NDUFAF1: variants seen among roughly 807,000 people sequenced by gnomAD.
NDUFAF1 encodes complex I intermediate-associated protein 30, mitochondrial.
Under a neutral mutation model 28.7 loss-of-function variants are expected in NDUFAF1, and 18 were observed. The observed-to-expected ratio is 0.63, with a 90% CI of 0.43 to 0.93. NDUFAF1 has a LOEUF of 0.93. Among genes scored for constraint, NDUFAF1 ranks in the 40% least tolerant of loss-of-function variants. NDUFAF1 has a pLI of 0.00. For synonymous variants in NDUFAF1, 113 were observed against 139.7 expected (o/e 0.81, Z 1.35); for missense variants, 404 against 398.3 (o/e 1.01, Z -0.12).
chr15:41,389,211 T>C (rs1202068996), intron 3 of NDUFAF1, among the ~76,000 whole-genome samples: 1 of 151,120 alleles, frequency 6.6e-6, no homozygotes, highest in Non-Finnish European at 1.5e-5. Context: ...GCTTCCTGAG[T>C]AGCTGGGACT....
Position 41,393,907 on chromosome 15 carries a change from C to G in NDUFAF1, c.759+952G>C, listed in dbSNP as rs1235234153. 1.1e-4 allele frequency among the ~76,000 whole-genome samples: 16 copies of G among 149,108 alleles called. No homozygotes were observed. The Admixed American group carries it at 1.1e-3, about 10-fold the overall frequency. On this transcript the variant is annotated intron_variant, in intron 3 of 4. Coordinates refer to ENST00000260361, the MANE Select transcript of NDUFAF1 (RefSeq NM_016013.4). ...TATTTTTAGTAGAGATGGGGTTTTG[C>G]CATGTTAGCCAGGCTGGTCTCAAAC...
intron 3 of NDUFAF1, among the ~76,000 whole-genome samples, chr15:41,393,600 T>TTTTTTTTTTTTTA (rs2050342316): frequency 1.5e-5 from 2 of 136,910 alleles, no homozygotes; most frequent in South Asian, 2.3e-4. Context: ...TTTTTTTTTT[T>TTTTTTTTTTTTTA]GAGATGGAGT....
chr15:41,388,626 T>C, intron 3 of NDUFAF1, 104 bp from the exon 4 acceptor site: 1 of 791,916 alleles, frequency 1.3e-6, no homozygotes, highest in Non-Finnish European at 2.2e-6. Context: ...TAAAATTATG[T>C]CATATATGTA....
chr15:41,394,719 T>C, intron 3 of NDUFAF1, 140 bp downstream of exon 3: 4 of 693,186 alleles, frequency 5.8e-6, no homozygotes, highest in African/African-American at 1.8e-5. Context: ...GGTTTCACCA[T>C]GTTGGCCAAC....
At position 41,399,597 on chromosome 15, in the gene NDUFAF1, G is replaced by C. The variant is rs573478831; in HGVS notation, c.-81-2457C>G. Among the ~76,000 whole-genome samples the C allele has an allele frequency of 3.4e-3, 523 of 151,928 alleles. 4 individuals are homozygous for C. The highest frequency in any genetic ancestry group is 0.012 in the African/African-American group (485 of 41,438). ...AGGCCGGGCGCGGTGGCTCACGCCTGTAATCCCAGCACTTTGGGAGGCGGA... is the reference window on the plus strand; with the variant it reads ...AGGCCGGGCGCGGTGGCTCACGCCTCTAATCCCAGCACTTTGGGAGGCGGA... On this transcript the variant is annotated intron_variant, in intron 1 of 4. Coordinates refer to ENST00000260361, the MANE Select transcript of NDUFAF1 (RefSeq NM_016013.4).
intron 1 of NDUFAF1, among the ~76,000 whole-genome samples, chr15:41,398,652 C>A (rs889499845): frequency 1.3e-5 from 2 of 152,008 alleles, no homozygotes; most frequent in Non-Finnish European, 2.9e-5. Context: ...CCATGCCCAG[C>A]TAATTTTTTT....
chr15:41,388,974 T>G (rs574436128), intron 3 of NDUFAF1, among the ~76,000 whole-genome samples: 15 of 152,310 alleles, frequency 9.8e-5, no homozygotes, highest in African/African-American at 3.6e-4. Flanking sequence ...CCTTCTACTC[T>G]TGAACTTTCA....
intron 1 of NDUFAF1, among the ~76,000 whole-genome samples, chr15:41,401,877 C>T (rs2050468169): frequency 6.6e-6 from 1 of 152,186 alleles, no homozygotes; most frequent in Non-Finnish European, 1.5e-5. Flanking sequence ...GCGCCGGTTG[C>T]ACTTAAATGA....
intron 3 of NDUFAF1, among the ~76,000 whole-genome samples, chr15:41,392,313 A>C (rs1173274170): frequency 1.3e-5 from 2 of 152,060 alleles, no homozygotes; most frequent in East Asian, 3.9e-4. Flanking sequence ...ACCTCAAGTG[A>C]TCTGCCCATC....
rs1397862948 is a variant in NDUFAF1, at chr15:41,402,131, A to C, written c.-82+13T>G. On this transcript the variant is annotated intron_variant, in intron 1 of 4. Coordinates refer to ENST00000260361, the MANE Select transcript of NDUFAF1 (RefSeq NM_016013.4). ...AGAAGTGAGTAGAATTAGTAAAGCTATCCATGCCTTACCATGTGCCAGAAA... is the reference window on the plus strand; with the variant it reads ...AGAAGTGAGTAGAATTAGTAAAGCTCTCCATGCCTTACCATGTGCCAGAAA... 2.2e-6 allele frequency: 1 copy of C among 448,024 alleles called. No homozygotes were observed. The highest frequency in any genetic ancestry group is 4.5e-6 in the Non-Finnish European group (1 of 221,780). 27.8% of individuals were successfully genotyped at this position (448,024 alleles called of 1,614,324 possible).
intron 3 of NDUFAF1, among the ~76,000 whole-genome samples, chr15:41,390,420 T>A (rs2050301610): frequency 6.6e-6 from 1 of 152,198 alleles, no homozygotes; most frequent in South Asian, 2.1e-4. Context: ...GTGTAGAAGA[T>A]ACATATTAAA....
chr15:41,389,564 A>G (rs1045137604), intron 3 of NDUFAF1, among the ~76,000 whole-genome samples: 2 of 152,190 alleles, frequency 1.3e-5, no homozygotes, highest in African/African-American at 2.4e-5. Flanking sequence ...TGAGCCCAGG[A>G]GTTCAAGACC....
At chr15:41,394,764 C>T in intron 3 of NDUFAF1, 95 bp downstream of exon 3, 3 of 1,314,188 alleles carry the variant, frequency 2.3e-6, no homozygotes, top group Admixed American at 1.8e-5. Context: ...GTGATCCACC[C>T]ACCTCGGCCT....
intron 3 of NDUFAF1, among the ~76,000 whole-genome samples, chr15:41,389,609 A>G (rs896351387): frequency 3.3e-5 from 5 of 151,848 alleles, no homozygotes; most frequent in Non-Finnish European, 7.4e-5. Context: ...AGACTCTAGT[A>G]AAAAAACAAA....
chr15:41,388,313 C>T lies in NDUFAF1; in HGVS notation c.834+135G>A, dbSNP rs1165016902. 30 of 711,508 alleles carry T rather than the reference C, an allele frequency of 4.2e-5. No homozygotes were observed. The Admixed American group carries it at 7.1e-4, about 17-fold the overall frequency. The allele number at this position is 711,508 out of a possible 1,614,324, so 44.1% of individuals were successfully genotyped here. A position where few individuals can be genotyped will look rare whatever the true frequency, so the allele number is the denominator to read the frequency against. ...TCATAGGAGAGGTCTAAGTCAGCCT[C>T]TGGCTGGGTATAAGAGCAGTGGCCC... On this transcript the variant is annotated intron_variant, in intron 4 of 4. Transcript: ENST00000260361.
chr15:41,391,713 G>A (rs535667437), intron 3 of NDUFAF1, among the ~76,000 whole-genome samples: 3 of 152,160 alleles, frequency 2.0e-5, no homozygotes, highest in Non-Finnish European at 4.4e-5. Flanking sequence ...TTAGTGATAA[G>A]TTCTATGAAG....
chr15:41,396,592 C>T lies in NDUFAF1; in HGVS notation c.468G>A (p.Lys156=). Residue 156 remains lysine (K), a synonymous_variant, in exon 2 of 5, where the codon AAG becomes AAA. Transcript: ENST00000260361. ...GRSEVFLKMG[K]NNQSALLYGT... is the part of the protein sequence containing the mutation. The stretch of plus-strand genomic sequence containing the variant: ...CATATAGCAGTGCACTTTGGTTATT[C>T]TTGCCCATTTTCAAAAACACTTCAC... 6.2e-7 allele frequency: 1 copy of T among 1,614,100 alleles called. No individual in the cohort carries two copies. The highest frequency in any genetic ancestry group is 8.5e-7 in the Non-Finnish European group (1 of 1,180,024).
chr15:41,393,579 C>T (rs551966257), intron 3 of NDUFAF1, among the ~76,000 whole-genome samples: 5 of 146,720 alleles, frequency 3.4e-5, no homozygotes, highest in South Asian at 2.2e-4. Flanking sequence ...CGTAAGCCAC[C>T]GCGGCCGGCC....
At chr15:41,395,549 T>G (rs2050374464) in intron 2 of NDUFAF1, among the ~76,000 whole-genome samples, 1 of 151,370 alleles carries the variant, frequency 6.6e-6, no homozygotes. Context: ...TTTTTGTATT[T>G]TTAGTAGAGA....
Sources: allele counts gnomAD v4.1 joint callset (sites outside exome capture counted in the v4.1 genomes callset), GRCh38; gene constraint gnomAD v4.1.1; transcripts MANE v1.5; gene names NCBI Gene and HGNC (gene_info 2026-07-23, HGNC 2026-07-21).